The following STAB2 variants were observed in gnomAD, a reference collection of about 807,000 sequenced individuals.
STAB2 encodes stabilin 2, also known as stabilin-2.
A neutral mutation model predicts 338.1 loss-of-function variants in STAB2; 288 were observed. The ratio of observed to expected loss-of-function variants is 0.85; its 90% confidence interval spans 0.77 to 0.94. The LOEUF is 0.94. STAB2 is among the 40% of genes least tolerant of loss of function. STAB2 has a pLI of 0.00. For synonymous variants in STAB2, 1,202 were observed against 1,193.3 expected (o/e 1.01, Z -0.15); for missense variants, 3,141 against 3,210.1 (o/e 0.98, Z 0.52).
intron 9 of STAB2, among the ~76,000 whole-genome samples, chr12:103,644,344 A>G (rs1188982660): frequency 6.7e-6 from 1 of 149,862 alleles, no homozygotes; most frequent in African/African-American, 2.4e-5. Flanking sequence ...CATGCTAGTT[A>G]AGAGTCATCA....
rs368928631 is a variant in STAB2 at position 103,677,609 on chromosome 12, C to A, written c.2803C>A (p.Gln935Lys). Residue 935 changes from glutamine (Q) to lysine (K), a missense_variant and splice_region_variant, in exon 25 of 69, where the codon CAG becomes AAG. Transcript: ENST00000388887. The part of the protein sequence containing the change: ...NASCLYVGPG[Q>K]NECECKKGFR... ...ATCCTGTTTGTATGTGGGTCCCGGG[C>A]AGGTAGGTTGGATGTCATGAGAGCA... 4 of 1,610,340 alleles carry A rather than the reference C, an allele frequency of 2.5e-6. No homozygotes were observed. The highest frequency in any genetic ancestry group is 1.7e-5 in the Admixed American group (1 of 59,944).
chr12:103,640,457 A>G (rs915148765), intron 9 of STAB2, among the ~76,000 whole-genome samples: 3 of 152,194 alleles, frequency 2.0e-5, no homozygotes, highest in African/African-American at 7.2e-5. Context: ...TTTCCTTTAT[A>G]TGACCATTAG....
intron 11 of STAB2, among the ~76,000 whole-genome samples, chr12:103,652,094 T>C (rs1445419345): frequency 6.6e-6 from 1 of 152,230 alleles, no homozygotes; most frequent in Non-Finnish European, 1.5e-5. Flanking sequence ...GTAGATTTGA[T>C]CCCATGGATT....
intron 9 of STAB2, among the ~76,000 whole-genome samples, chr12:103,640,664 G>A (rs552386193): frequency 1.7e-4 from 26 of 152,304 alleles, no homozygotes; most frequent in African/African-American, 6.3e-4. Context: ...AAGTGAATAA[G>A]CACTAGTGGT....
intron 53 of STAB2, 38 bp downstream of exon 53, chr12:103,737,818 A>T (rs1882280547): frequency 6.2e-7 from 1 of 1,611,394 alleles, no homozygotes; most frequent in African/African-American, 1.3e-5. Flanking sequence ...AGAGAACCTT[A>T]AGCCAAAGAA....
chr12:103,757,555 C>G (rs532697960), intron 63 of STAB2, among the ~76,000 whole-genome samples: 77 of 152,332 alleles, frequency 5.1e-4, no homozygotes, highest in Non-Finnish European at 7.8e-4. Context: ...CAGGGTCCCC[C>G]TTCTGTCTGA....
chr12:103,691,155 G>T (rs1475373497), intron 30 of STAB2, among the ~76,000 whole-genome samples: 2 of 152,214 alleles, frequency 1.3e-5, no homozygotes. Flanking sequence ...AATTCTGTGA[G>T]GGAGTCTGGC....
intron 27 of STAB2, among the ~76,000 whole-genome samples, chr12:103,686,338 A>C (rs113181947): frequency 7.7e-4 from 118 of 152,300 alleles, no homozygotes; most frequent in South Asian, 2.3e-3. Flanking sequence ...GTCTCCTGAC[A>C]TGCAGACCAT....
chr12:103,758,264 A>G lies in STAB2; in HGVS notation c.7082A>G (p.Gln2361Arg), dbSNP rs1321383155. ...ATCCGCGGCACCCTCTTTGTGCCACAGAACAGTGGGCTGGGGGAGAATGAG... is the reference window on the plus strand; with the variant it reads ...ATCCGCGGCACCCTCTTTGTGCCACGGAACAGTGGGCTGGGGGAGAATGAG... The part of the protein sequence containing the change: ...LSIRGTLFVP[Q>R]NSGLGENETL... The change falls in exon 64 of 69, where the codon CAG becomes CGG. Residue 2361 changes from glutamine (Q) to arginine (R), a missense_variant. Physicochemically the swap from Gln to Arg is conservative, Grantham distance 43. Coordinates refer to ENST00000388887, the MANE Select transcript of STAB2 (RefSeq NM_017564.10). The G allele has an allele frequency of 1.9e-6, 3 of 1,613,886 alleles. No homozygotes were observed. Among genetic ancestry groups the G allele is most frequent in the Non-Finnish European group, 1.7e-6 (2 of 1,180,052 alleles).
chr12:103,734,390 C>A (rs796927707), intron 51 of STAB2, among the ~76,000 whole-genome samples: 92 of 150,440 alleles, frequency 6.1e-4, no homozygotes, highest in African/African-American at 2.1e-3. Context: ...TAGGAGCAAG[C>A]ACAATCATAT....
chr12:103,617,471 G>A (rs547424205), intron 3 of STAB2, among the ~76,000 whole-genome samples: 1 of 152,158 alleles, frequency 6.6e-6, no homozygotes, highest in Non-Finnish European at 1.5e-5. Flanking sequence ...CTACCTAGAA[G>A]ACAGTATGGT....
chr12:103,633,700 C>A (rs1316501319), intron 6 of STAB2, among the ~76,000 whole-genome samples: 1 of 152,130 alleles, frequency 6.6e-6, no homozygotes, highest in Non-Finnish European at 1.5e-5. Context: ...GAAATGAAAA[C>A]CAGCAATAAA....
intron 22 of STAB2, among the ~76,000 whole-genome samples, chr12:103,672,500 A>G (rs1027434227): frequency 1.3e-5 from 2 of 152,152 alleles, no homozygotes; most frequent in African/African-American, 4.8e-5. Context: ...CTAAAATTGT[A>G]TAACAATTCT....
In STAB2 at chr12:103,656,877, G is replaced by A. The variant is rs903823599; in HGVS notation, c.1734+1296G>A. Among the ~76,000 whole-genome samples, 16 of 150,368 alleles carry A rather than the reference G, an allele frequency of 1.1e-4. 1 individual carries two copies. The highest frequency in any genetic ancestry group is 4.3e-4 in the South Asian group (2 of 4,688). ...AATTTTTTGTATTTTTAGTAGAGAC[G>A]GGGTTTCACCTTGTTAGCCAGGATG... On this transcript the variant is annotated intron_variant, in intron 15 of 68. Coordinates refer to ENST00000388887, the MANE Select transcript of STAB2 (RefSeq NM_017564.10).
At chr12:103,640,388 G>A in intron 9 of STAB2, 132 bp downstream of exon 9, 1 of 1,170,160 alleles carries the variant, frequency 8.5e-7, no homozygotes, top group Non-Finnish European at 1.2e-6. Context: ...CACATAGTAG[G>A]AGCAAGGATT....
rs763675913 is a variant in STAB2, at chr12:103,677,601, G to C, written c.2795G>C (p.Gly932Ala). ...GACAACGCATCCTGTTTGTATGTGG[G>C]TCCCGGGCAGGTAGGTTGGATGTCA... ...CHDNASCLYV[G>A]PGQNECECKK... The change falls in exon 25 of 69, where the codon GGT (glycine) becomes GCT (alanine). Residue 932 changes from glycine to alanine, a missense_variant. Gly to Ala is a moderately conservative substitution (Grantham distance 60). Coordinates refer to ENST00000388887, the MANE Select transcript of STAB2 (RefSeq NM_017564.10). 1 of 1,612,102 alleles carries C rather than the reference G, an allele frequency of 6.2e-7. No homozygotes were observed. The highest frequency in any genetic ancestry group is 2.2e-5 in the East Asian group (1 of 44,802).
intron 10 of STAB2, among the ~76,000 whole-genome samples, chr12:103,650,072 A>C (rs1873624049): frequency 6.6e-6 from 1 of 152,158 alleles, no homozygotes; most frequent in African/African-American, 2.4e-5. Context: ...GCATTTCAAC[A>C]TGGCAACTGC....
At position 103,614,912 on chromosome 12, in the gene STAB2, G is replaced by T. The variant is rs17579643; in HGVS notation, c.332-5556G>T. ...GTTCTTTCCTGAGTCTTACACCAGGGAATCCCTATTTGGTAGGTGTTAAGT... is the reference window on the plus strand; with the variant it reads ...GTTCTTTCCTGAGTCTTACACCAGGTAATCCCTATTTGGTAGGTGTTAAGT... On this transcript the variant is annotated intron_variant, in intron 3 of 68. Coordinates refer to ENST00000388887, the MANE Select transcript of STAB2 (RefSeq NM_017564.10). 1.9e-4 allele frequency among the ~76,000 whole-genome samples: 29 copies of T among 152,308 alleles called. No homozygotes were observed. The East Asian group carries it at 5.6e-3, about 29-fold the overall frequency.
At chr12:103,648,047 A>T (rs1873461395) in intron 9 of STAB2, among the ~76,000 whole-genome samples, 1 of 152,152 alleles carries the variant, frequency 6.6e-6, no homozygotes, top group Admixed American at 6.5e-5. Flanking sequence ...TCTTTTCTCA[A>T]ATGTTATAGG....
Sources: gnomAD v4.1 joint callset for allele counts (sites outside exome capture counted in the v4.1 genomes callset) on GRCh38, gnomAD v4.1.1 for gene constraint, MANE v1.5 for transcripts, NCBI Gene and HGNC (gene_info 2026-07-23, HGNC 2026-07-21) for gene names.